SLC2A13: variants seen among roughly 807,000 people sequenced by gnomAD.
SLC2A13 encodes the protein proton myo-inositol cotransporter.
In SLC2A13, 32 loss-of-function variants were observed where a neutral mutation model predicts 64.4. The ratio of observed to expected loss-of-function variants is 0.50; its 90% CI spans 0.37 to 0.67. The LOEUF (loss-of-function observed/expected upper bound fraction) is 0.67, where lower values mean the gene tolerates loss of function less well. SLC2A13 is among the 30% of genes least tolerant of loss of function. The pLI, the probability that SLC2A13 is intolerant of heterozygous loss-of-function variation, is 0.00. For synonymous variants in SLC2A13, 338 were observed against 327.1 expected (o/e 1.03, Z -0.36); for missense variants, 743 against 829.2 (o/e 0.90, Z 1.28).
At chr12:39,973,031 C>T (rs1946693652) in intron 3 of SLC2A13, among the ~76,000 whole-genome samples, 1 of 152,202 alleles carries the variant, frequency 6.6e-6, no homozygotes, top group Non-Finnish European at 1.5e-5. Context: ...CACACCATTG[C>T]ACTCCAGCCC....
chr12:40,079,942 C>T (rs1938332070), intron 1 of SLC2A13, among the ~76,000 whole-genome samples: 1 of 152,206 alleles, frequency 6.6e-6, no homozygotes, highest in African/African-American at 2.4e-5. Context: ...CAGCTCACTA[C>T]AACCTCCATC....
intron 7 of SLC2A13, among the ~76,000 whole-genome samples, chr12:39,815,334 T>A (rs1942310077): frequency 6.6e-6 from 1 of 152,218 alleles, no homozygotes; most frequent in Admixed American, 6.5e-5. Context: ...CCTTTATTGT[T>A]AACTATTGTC....
At chr12:39,882,020 G>T (rs77868845) in intron 4 of SLC2A13, among the ~76,000 whole-genome samples, 1,846 of 152,064 alleles carry the variant, frequency 0.012, 40 homozygotes, top group African/African-American at 0.042. Context: ...GGCCAGCACA[G>T]CCTACTCTCA....
rs538841712 is a variant in SLC2A13, at chr12:40,105,642, G to A, written c.167C>T (p.Ala56Val). Reference sequence around the variant, plus strand: ...CAGGTCCCCGACGCCGCCGCCGCCCGCGCCCGCGCTCTGCAGGCTGGTGCT... The same window carrying A: ...CAGGTCCCCGACGCCGCCGCCGCCCACGCCCGCGCTCTGCAGGCTGGTGCT... Reference protein sequence around the residue: ...ESSTSLQSAGAGGGGVGDLER... With the variant: ...ESSTSLQSAGVGGGGVGDLER... Residue 56 changes from alanine (A) to valine (V), a missense_variant, in exon 1 of 10, where the codon GCG (alanine) becomes GTG (valine). Ala to Val is a moderately conservative substitution (Grantham distance 64, BLOSUM62 0). Coordinates refer to ENST00000280871, the MANE Select transcript of SLC2A13 (RefSeq NM_052885.4). The surrounding 1 kb of genome is among the most constrained non-coding windows in gnomAD (Gnocchi z 4.2). 127 of 1,484,640 alleles carry A rather than the reference G, an allele frequency of 8.6e-5. 1 individual carries two copies. The African/African-American group carries it at 1.6e-3, about 18-fold the overall frequency. The allele number at this position is 1,484,640 out of a possible 1,614,324, so 92.0% of individuals were successfully genotyped here.
chr12:39,872,442 A>G (rs1172813831), intron 4 of SLC2A13, among the ~76,000 whole-genome samples: 5 of 152,044 alleles, frequency 3.3e-5, no homozygotes, highest in Admixed American at 3.3e-4. Context: ...CAAAAAAGAC[A>G]CAATGAGTAA....
At chr12:39,877,958 T>C (rs1480690442) in intron 4 of SLC2A13, among the ~76,000 whole-genome samples, 1 of 152,098 alleles carries the variant, frequency 6.6e-6, no homozygotes, top group African/African-American at 2.4e-5. Context: ...TGAGATTTGG[T>C]CATCTAAAAG....
chr12:39,821,074 C>T (rs892983518), intron 7 of SLC2A13, among the ~76,000 whole-genome samples: 19 of 151,990 alleles, frequency 1.3e-4, no homozygotes, highest in Non-Finnish European at 1.8e-4. Context: ...TCTTTCACTG[C>T]CCTGTACTAT....
chr12:39,988,288 T>C (rs567148818), intron 3 of SLC2A13, among the ~76,000 whole-genome samples: 14 of 152,236 alleles, frequency 9.2e-5, no homozygotes, highest in African/African-American at 3.1e-4. Context: ...TTTCATACTT[T>C]GGCACATTGG....
intron 4 of SLC2A13, among the ~76,000 whole-genome samples, chr12:39,874,460 A>G (rs1417675270): frequency 1.3e-5 from 2 of 151,930 alleles, no homozygotes; most frequent in African/African-American, 4.8e-5. Flanking sequence ...TTAAAAATAC[A>G]AAAAATTAGC....
rs112439109 is a variant in SLC2A13 at position 40,074,820 on chromosome 12, A to C, written c.557-26610T>G. On this transcript the variant is annotated intron_variant, in intron 1 of 9. Transcript: ENST00000280871. ...GGTAAGGTGTAGGAGAAGGAGAAAC[A>C]CTCTACAGTGTTATGATTAGGTCTC... 8.5e-5 allele frequency among the ~76,000 whole-genome samples: 13 copies of C among 152,212 alleles called. 2 individuals carry two copies. The highest frequency in any genetic ancestry group is 2.9e-4 in the African/African-American group (12 of 41,524).
At chr12:39,823,293 A>G (rs1472322591) in intron 7 of SLC2A13, among the ~76,000 whole-genome samples, 1 of 152,240 alleles carries the variant, frequency 6.6e-6, no homozygotes, top group Non-Finnish European at 1.5e-5. Flanking sequence ...TAATTTAGGA[A>G]CACAGCTGGA....
At chr12:40,063,531 T>TG (rs929431495) in intron 1 of SLC2A13, among the ~76,000 whole-genome samples, 1 of 151,092 alleles carries the variant, frequency 6.6e-6, no homozygotes, top group Non-Finnish European at 1.5e-5. Context: ...ACAGCAGCTG[T>TG]GAAAGCAGTT....
intron 4 of SLC2A13, among the ~76,000 whole-genome samples, chr12:39,895,922 ATG>A (rs1352102683): frequency 2.2e-5 from 3 of 136,972 alleles, no homozygotes; most frequent in African/African-American, 7.6e-5. Flanking sequence ...GTATGCATAT[ATG>A]TGTATATGTG....
intron 1 of SLC2A13, among the ~76,000 whole-genome samples, chr12:40,055,367 C>G (rs1329169692): frequency 6.6e-6 from 1 of 152,168 alleles, no homozygotes; most frequent in Non-Finnish European, 1.5e-5. Flanking sequence ...GTGAAGTCTC[C>G]CATGGCTAAA....
chr12:39,880,376 T>G (rs915408398), intron 4 of SLC2A13, among the ~76,000 whole-genome samples: 1 of 152,218 alleles, frequency 6.6e-6, no homozygotes, highest in Non-Finnish European at 1.5e-5. Flanking sequence ...TTTTCAAACA[T>G]ATTTTCATGT....
chr12:40,099,527 T>A (rs954347376), intron 1 of SLC2A13, among the ~76,000 whole-genome samples: 2 of 152,196 alleles, frequency 1.3e-5, no homozygotes, highest in African/African-American at 4.8e-5. Flanking sequence ...TTACTTTAAG[T>A]TTATAATCCA....
At chr12:39,896,308 AC>A (rs1435377854) in intron 4 of SLC2A13, among the ~76,000 whole-genome samples, 1 of 128,954 alleles carries the variant, frequency 7.8e-6, no homozygotes, top group Non-Finnish European at 1.7e-5. Flanking sequence ...ATATATGTAT[AC>A]ATATATGTAT....
intron 3 of SLC2A13, among the ~76,000 whole-genome samples, chr12:39,969,506 A>T (rs939714728): frequency 6.6e-6 from 1 of 152,190 alleles, no homozygotes; most frequent in African/African-American, 2.4e-5. Flanking sequence ...CTGGTGTGAG[A>T]TGATATCTCA....
At chr12:40,071,832 C>G (rs1008018238) in intron 1 of SLC2A13, among the ~76,000 whole-genome samples, 2 of 152,044 alleles carry the variant, frequency 1.3e-5, no homozygotes, top group Non-Finnish European at 2.9e-5. Context: ...TTTTCTTAGC[C>G]TGACTAAAGC....
Sources: allele counts gnomAD v4.1 joint callset (sites outside exome capture counted in the v4.1 genomes callset), GRCh38; gene constraint gnomAD v4.1.1; non-coding constraint Gnocchi (gnomAD v3.1); transcripts MANE v1.5; gene names NCBI Gene and HGNC (gene_info 2026-07-23, HGNC 2026-07-21).